The following CNTN5 variants were observed in gnomAD, a reference collection of about 807,000 sequenced individuals.
The protein encoded by CNTN5 is contactin 5, also known as contactin-5.
In CNTN5, 77 loss-of-function variants were observed where a neutral mutation model predicts 129.1. That is an observed-to-expected ratio of 0.60 (90% confidence interval 0.50 to 0.72). The LOEUF (loss-of-function observed/expected upper bound fraction) is 0.72. Among genes scored for constraint, CNTN5 ranks in the 30% least tolerant of loss-of-function variants. The pLI is 0.00. For missense variants in CNTN5, 1,478 were observed against 1,328.8 expected, an observed-to-expected ratio of 1.11 and a Z score of -1.75; for synonymous variants, 509 against 465.6, an observed-to-expected ratio of 1.09 and a Z score of -1.20.
intron 1 of CNTN5, among the ~76,000 whole-genome samples, chr11:99,234,990 T>C (rs1190620448): frequency 6.6e-6 from 1 of 151,670 alleles, no homozygotes; most frequent in Non-Finnish European, 1.5e-5. Flanking sequence ...ATGAAATGGC[T>C]AATGACTGTT....
chr11:100,265,428 G>A (rs1386917386), intron 17 of CNTN5, among the ~76,000 whole-genome samples: 1 of 152,084 alleles, frequency 6.6e-6, no homozygotes, highest in Non-Finnish European at 1.5e-5. Context: ...CTGTGATGGG[G>A]AAATAAGTCT....
intron 3 of CNTN5, among the ~76,000 whole-genome samples, chr11:99,573,803 C>T (rs2726383): frequency 0.71 from 107,798 of 151,608 alleles, 40,568 homozygotes; most frequent in Non-Finnish European, 0.85. Context: ...TTGGAGAAAC[C>T]TTTCTAGAGC....
rs144645571 is a variant in CNTN5 at position 100,061,919 on chromosome 11, A to G, written c.1162+526A>G. Among the ~76,000 whole-genome samples the G allele has an allele frequency of 4.9e-4, 74 of 152,316 alleles. No homozygotes were observed. The East Asian group carries it at 0.013, about 26-fold the overall frequency. On this transcript the variant is annotated intron_variant, in intron 10 of 24. Coordinates refer to ENST00000524871, the MANE Select transcript of CNTN5 (RefSeq NM_014361.4). ...ATATTTGCTTTTGAGCATTTTTCAG[A>G]ATAAGTTTGCTGACCTGTGGCCTAA...
At chr11:99,084,446 C>A (rs893325957) in intron 1 of CNTN5, among the ~76,000 whole-genome samples, 1 of 152,126 alleles carries the variant, frequency 6.6e-6, no homozygotes, top group African/African-American at 2.4e-5. Context: ...ACTAGAGGTT[C>A]ACTAAAAATT....
At chr11:99,451,370 G>A (rs1392660875) in intron 2 of CNTN5, among the ~76,000 whole-genome samples, 1 of 151,788 alleles carries the variant, frequency 6.6e-6, no homozygotes, top group African/African-American at 2.4e-5. Context: ...AACTAGGGAG[G>A]GGCAAAAAAA....
At chr11:99,835,352 G>C (rs1947269674) in intron 4 of CNTN5, among the ~76,000 whole-genome samples, 2 of 152,166 alleles carry the variant, frequency 1.3e-5, no homozygotes, top group Admixed American at 1.3e-4. Flanking sequence ...TTGGGATGAG[G>C]GTTCCTATGT....
intron 1 of CNTN5, among the ~76,000 whole-genome samples, chr11:99,055,521 G>A (rs2135190118): frequency 6.6e-6 from 1 of 151,960 alleles, no homozygotes; most frequent in African/African-American, 2.4e-5. Context: ...GAGGAGACGT[G>A]CCCATTGGCT....
chr11:99,985,958 C>G (rs1349785), intron 8 of CNTN5, among the ~76,000 whole-genome samples: 10,692 of 152,220 alleles, frequency 0.07, 779 homozygotes, highest in East Asian at 0.31. Context: ...TAGCCTGAAT[C>G]TTGTGATTAT....
chr11:100,311,383 G>T (rs1379483747), intron 21 of CNTN5, among the ~76,000 whole-genome samples: 1 of 151,860 alleles, frequency 6.6e-6, no homozygotes, highest in African/African-American at 2.4e-5. Flanking sequence ...CAAGGATTCT[G>T]TTTCGGGTGT....
intron 3 of CNTN5, among the ~76,000 whole-genome samples, chr11:99,787,294 G>GT (rs1211082860): frequency 6.6e-6 from 1 of 151,474 alleles, no homozygotes; most frequent in African/African-American, 2.4e-5. Context: ...ACCAAAAACA[G>GT]TATTTTTAAA....
intron 17 of CNTN5, among the ~76,000 whole-genome samples, chr11:100,257,490 G>A (rs917822135): frequency 4.6e-5 from 7 of 152,158 alleles, no homozygotes; most frequent in Non-Finnish European, 7.4e-5. Context: ...CCTCCTGACT[G>A]GGACACAACT....
chr11:99,311,026 A>G (rs933408511), intron 1 of CNTN5, among the ~76,000 whole-genome samples: 1 of 152,038 alleles, frequency 6.6e-6, no homozygotes, highest in African/African-American at 2.4e-5. Context: ...CTGCCTCCCA[A>G]GTTCAAGCAA....
chr11:99,829,210 A>G (rs1196960240), intron 4 of CNTN5, among the ~76,000 whole-genome samples: 8 of 152,206 alleles, frequency 5.3e-5, no homozygotes, highest in Non-Finnish European at 5.9e-5. Context: ...AATCTACTTA[A>G]AAATATTTGG....
chr11:99,616,891 A>T (rs1950776641), intron 3 of CNTN5, among the ~76,000 whole-genome samples: 1 of 152,192 alleles, frequency 6.6e-6, no homozygotes, highest in South Asian at 2.1e-4. Flanking sequence ...CGGGTCGATG[A>T]CCTGAGGTCA....
chr11:99,583,137 C>T (rs568035238), intron 3 of CNTN5, among the ~76,000 whole-genome samples: 63 of 152,302 alleles, frequency 4.1e-4, no homozygotes, highest in Middle Eastern at 3.4e-3. Flanking sequence ...TGCAGAACAG[C>T]AGATATTGGT....
Position 99,073,263 on chromosome 11 carries a change from A to G in CNTN5, c.-210+51993A>G, listed in dbSNP as rs1047467571. On this transcript the variant is annotated intron_variant, in intron 1 of 24. Coordinates refer to ENST00000524871, the MANE Select transcript of CNTN5 (RefSeq NM_014361.4). ...AAGGGAGATGGTTGAGTCATAGACT[A>G]AGAATATACTTAGCTTTCGTAGAAA... Among the ~76,000 whole-genome samples the G allele has an allele frequency of 3.1e-4, 47 of 152,078 alleles. 1 individual carries two copies. The highest frequency in any genetic ancestry group is 1.1e-3 in the African/African-American group (44 of 41,414).
chr11:99,377,369 G>A (rs1940247307), intron 2 of CNTN5, among the ~76,000 whole-genome samples: 1 of 152,018 alleles, frequency 6.6e-6, no homozygotes. Flanking sequence ...AAAAGTCTAT[G>A]AAATTGTTTA....
At chr11:99,813,157 T>C (rs1591234679) in intron 3 of CNTN5, among the ~76,000 whole-genome samples, 1 of 152,018 alleles carries the variant, frequency 6.6e-6, no homozygotes, top group African/African-American at 2.4e-5. Context: ...AAAATATCAG[T>C]GAAGGTTGAA....
chr11:99,090,883 G>A (rs1187741943), intron 1 of CNTN5, among the ~76,000 whole-genome samples: 2 of 151,752 alleles, frequency 1.3e-5, no homozygotes, highest in Admixed American at 6.6e-5. Context: ...TTAGCCCGTC[G>A]CGGTGGCAGG....
Sources: allele counts gnomAD v4.1 joint callset (sites outside exome capture counted in the v4.1 genomes callset), GRCh38; gene constraint gnomAD v4.1.1; transcripts MANE v1.5; gene names NCBI Gene and HGNC (gene_info 2026-07-23, HGNC 2026-07-21).